Variants in DNMT1 observed in about 807,000 individuals in gnomAD.
DNMT1 encodes the protein DNA (cytosine-5)-methyltransferase 1.
A neutral mutation model predicts 205.3 loss-of-function variants in DNMT1; 24 were observed. The observed-to-expected ratio is 0.12, with a 90% CI of 0.08 to 0.16. The LOEUF (loss-of-function observed/expected upper bound fraction) is 0.16. Among genes scored for constraint, DNMT1 ranks in the 10% least tolerant of loss-of-function variants. The probability of loss-of-function intolerance (pLI) is 1.00; values close to 1 mark genes in which losing one functional copy is unlikely to be tolerated. For synonymous variants in DNMT1, 817 were observed against 839.8 expected, an observed-to-expected ratio of 0.97 and a Z score of 0.47; for missense variants, 1,293 against 2,177.7, an observed-to-expected ratio of 0.59 and a Z score of 8.09.
rs16999358 is a variant in DNMT1 at position 10,162,679 on chromosome 19, G to A, written c.996C>T (p.Asp332=). The change falls in exon 13 of 41, where the codon GAC becomes GAT. Residue 332 remains aspartate (D), a synonymous_variant. Coordinates refer to ENST00000359526, the MANE Select transcript of DNMT1 (RefSeq NM_001130823.3). The part of the protein sequence containing the change: ...KVNPQISDEK[D]EDEKEEKRRK... ...GTGAGACCTTTACCTTTTCATCCTC[G>A]TCTTTTTCATCAGAAATCTGTGGAT... The A allele has an allele frequency of 2.4e-3, 3,869 of 1,611,458 alleles. 87 individuals are homozygous for A. In the East Asian group the frequency reaches 0.059, roughly 25 times the overall value.
intron 1 of DNMT1, 81 bp downstream of exon 1, chr19:10,194,739 C>T (rs2039371376): frequency 6.7e-7 from 1 of 1,493,364 alleles, no homozygotes; most frequent in South Asian, 1.3e-5. Context: ...CAGCGGCCAC[C>T]GGCCACCCCG....
chr19:10,136,100 G>A (rs771195490), intron 38 of DNMT1, 21 bp downstream of exon 38: 44 of 1,613,730 alleles, frequency 2.7e-5, no homozygotes, highest in Middle Eastern at 1.7e-4. Flanking sequence ...CCAGGCCCTC[G>A]GATGCCCCCT....
At position 10,151,839 on chromosome 19, in the gene DNMT1, C is replaced by T; in HGVS notation, c.2028G>A (p.Gln676=). ...CTTTACATTTCCCACACTCAGGCTGCTGACACACCTAAAAAATGGCATTAA... is the reference window on the plus strand; with the variant it reads ...CTTTACATTTCCCACACTCAGGCTGTTGACACACCTAAAAAATGGCATTAA... ...RRRCGVCEVC[Q]QPECGKCKAC... is the part of the protein sequence containing the mutation. The change falls in exon 23 of 41, where the codon CAG becomes CAA. Residue 676 remains glutamine (Q), a synonymous_variant. Transcript: ENST00000359526. This position sits in a 1 kb window ranked among gnomAD's most constrained non-coding sequence, Gnocchi z 5.0. 3 of 1,614,030 alleles carry T rather than the reference C, an allele frequency of 1.9e-6. No homozygotes were observed. The highest frequency in any genetic ancestry group is 2.5e-6 in the Non-Finnish European group (3 of 1,179,988).
At position 10,133,545 on chromosome 19, in the gene DNMT1, A is replaced by G. The variant is rs914363532; in HGVS notation, c.*122T>C. ...GAACCTCACACAACAGCTTCATGTCAGCCAAGGCCACAAACACCATGTACC... is the reference window on the plus strand; with the variant it reads ...GAACCTCACACAACAGCTTCATGTCGGCCAAGGCCACAAACACCATGTACC... On this transcript the variant is annotated 3_prime_UTR_variant, in exon 41 of 41. Transcript: ENST00000359526. The surrounding 1 kb of genome is among the most constrained non-coding windows in gnomAD (Gnocchi z 4.1). 8.6e-7 allele frequency: 1 copy of G among 1,166,034 alleles called. No homozygotes were observed. The highest frequency in any genetic ancestry group is 1.5e-5 in the African/African-American group (1 of 65,190). The allele number at this position is 1,166,034 out of a possible 1,614,324, so 72.2% of individuals were successfully genotyped here.
intron 7 of DNMT1, among the ~76,000 whole-genome samples, chr19:10,175,209 C>T (rs1459771730): frequency 6.6e-6 from 1 of 151,684 alleles, no homozygotes; most frequent in East Asian, 1.9e-4. Context: ...TCCAGCCTGC[C>T]CTGCAGATTT....
At chr19:10,167,993 C>T (rs2038730311) in intron 10 of DNMT1, among the ~76,000 whole-genome samples, 1 of 151,984 alleles carries the variant, frequency 6.6e-6, no homozygotes, top group African/African-American at 2.4e-5. Flanking sequence ...CATGGTGGTA[C>T]AGGCCCATAC....
intron 11 of DNMT1, among the ~76,000 whole-genome samples, chr19:10,164,451 A>G (rs958460186): frequency 1.1e-4 from 17 of 152,298 alleles, no homozygotes; most frequent in African/African-American, 4.1e-4. Flanking sequence ...CTTACAAAAA[A>G]TAAGTTTAAA....
intron 13 of DNMT1, among the ~76,000 whole-genome samples, chr19:10,160,815 A>T (rs1011858787): frequency 6.6e-6 from 1 of 152,200 alleles, no homozygotes; most frequent in African/African-American, 2.4e-5. Context: ...TGAACCCGAG[A>T]CGTAGAGGTT....
At chr19:10,175,769 T>C in intron 6 of DNMT1, 151 bp from the exon 7 acceptor site, 1 of 800,790 alleles carries the variant, frequency 1.2e-6, no homozygotes, top group Admixed American at 2.0e-5. Context: ...CTTGCCATCT[T>C]GTAAGTCCTA....
intron 1 of DNMT1, among the ~76,000 whole-genome samples, chr19:10,188,085 C>T (rs753392739): frequency 3.9e-5 from 6 of 152,172 alleles, no homozygotes; most frequent in Admixed American, 1.3e-4. Context: ...ATAATTGTGC[C>T]GCTGCATTCC....
At chr19:10,136,071 G>T (rs201117657) in intron 38 of DNMT1, 50 bp downstream of exon 38, 15 of 1,611,864 alleles carry the variant, frequency 9.3e-6, no homozygotes, top group Non-Finnish European at 1.3e-5. Flanking sequence ...TAGTTAGGCC[G>T]CCAAGTACAG....
Position 10,159,986 on chromosome 19 carries a change from C to A in DNMT1, c.1089+32G>T, listed in dbSNP as rs769582155. 6 of 1,614,074 alleles carry A rather than the reference C, an allele frequency of 3.7e-6. No homozygotes were observed. The highest frequency in any genetic ancestry group is 5.1e-6 in the Non-Finnish European group (6 of 1,180,052). ...CAGCTCCCAGCCGCCTCGTGAGCGC[C>A]GCCACCGGCTTTATTCCCGGCAGAT... is the stretch of plus-strand genomic sequence containing the variant. On this transcript the variant is annotated intron_variant, in intron 15 of 40. Coordinates refer to ENST00000359526, the MANE Select transcript of DNMT1 (RefSeq NM_001130823.3). This position sits in a 1 kb window ranked among gnomAD's most constrained non-coding sequence, Gnocchi z 5.0.
intron 27 of DNMT1, among the ~76,000 whole-genome samples, chr19:10,148,092 G>C (rs959166132): frequency 8.8e-5 from 12 of 136,418 alleles, no homozygotes; most frequent in African/African-American, 3.1e-4. Context: ...CTCCAGCCTG[G>C]GCAACAAAAG....
rs1226957892 is a variant in DNMT1, at chr19:10,139,592, C to A, written c.3948+84G>T. The A allele has an allele frequency of 5.1e-6, 8 of 1,553,622 alleles. No homozygotes were observed. In the African/African-American group the frequency reaches 9.4e-5, roughly 18 times the overall value. On this transcript the variant is annotated intron_variant, in intron 34 of 40. Transcript: ENST00000359526. ...GGATGGCAGGCCTATGCCATTGAAC[C>A]CTGCCTTCAGTAAGGGATGGCTGGC...
chr19:10,192,409 A>C (rs2145412149), intron 1 of DNMT1, among the ~76,000 whole-genome samples: 1 of 152,162 alleles, frequency 6.6e-6, no homozygotes, highest in Non-Finnish European at 1.5e-5. Context: ...TAGACTATGG[A>C]TATAGAGGTG....
intron 6 of DNMT1, 77 bp from the exon 7 acceptor site, chr19:10,175,695 C>T: frequency 7.3e-7 from 1 of 1,377,440 alleles, no homozygotes; most frequent in Non-Finnish European, 1.0e-6. Flanking sequence ...GACCCTCATT[C>T]ACCAGGATGT....
intron 24 of DNMT1, 29 bp from the exon 25 acceptor site, chr19:10,149,997 G>A (rs1568231371): frequency 1.3e-6 from 2 of 1,598,792 alleles, no homozygotes; most frequent in Middle Eastern, 1.7e-4. Flanking sequence ...GTTCATGGAG[G>A]ATCATTCTGA....
At chr19:10,190,834 C>T (rs1014511652) in intron 1 of DNMT1, among the ~76,000 whole-genome samples, 3 of 150,570 alleles carry the variant, frequency 2.0e-5, no homozygotes, top group Non-Finnish European at 3.0e-5. Flanking sequence ...AACAATGAAC[C>T]GGCTGGACAC....
rs559081088 is a variant in DNMT1 at position 10,158,312 on chromosome 19, G to T, written c.1280+1346C>A. On this transcript the variant is annotated intron_variant, in intron 17 of 40. Transcript: ENST00000359526. ...GGGGGGCTAGCGGTTGCTGGTGGAC[G>T]CAACAGCATCTTGATCTAGATAGAA... is the stretch of plus-strand genomic sequence containing the variant. Among the ~76,000 whole-genome samples the T allele has an allele frequency of 8.5e-5, 13 of 152,294 alleles. No homozygotes were observed. The South Asian group carries it at 2.5e-3, about 29-fold the overall frequency.
Sources: gnomAD v4.1 joint callset for allele counts (sites outside exome capture counted in the v4.1 genomes callset) on GRCh38, gnomAD v4.1.1 for gene constraint, Gnocchi (gnomAD v3.1) non-coding constraint, MANE v1.5 for transcripts, NCBI Gene and HGNC (gene_info 2026-07-23, HGNC 2026-07-21) for gene names.